Variants in JPH2 observed in about 807,000 individuals in gnomAD.
The protein encoded by JPH2 is junctophilin 2.
In JPH2, 38 loss-of-function variants were observed where a neutral mutation model predicts 55.9. That is an observed-to-expected ratio of 0.68 (90% CI 0.52 to 0.89). The LOEUF (loss-of-function observed/expected upper bound fraction) is 0.89, where lower values mean the gene tolerates loss of function less well. JPH2 is among the 40% of genes least tolerant of loss of function. JPH2 has a pLI of 0.00. For missense variants in JPH2, 964 were observed against 1,037.6 expected (o/e 0.93, Z 0.97); for synonymous variants, 480 against 472.4 (o/e 1.02, Z -0.21).
chr20:44,170,959 A>G (rs1447572439), intron 1 of JPH2, among the ~76,000 whole-genome samples: 2 of 152,164 alleles, frequency 1.3e-5, no homozygotes, highest in African/African-American at 4.8e-5. Context: ...TCCAAGCCAC[A>G]TCCTTTTCTC....
rs192393286 is a variant in JPH2, at chr20:44,109,875, G to T, written c.*3643C>A. Among the ~76,000 whole-genome samples the T allele has an allele frequency of 1.3e-5, 2 of 152,164 alleles. No individual in the cohort carries two copies. The highest frequency in any genetic ancestry group is 2.4e-5 in the African/African-American group (1 of 41,514). On this transcript the variant is annotated 3_prime_UTR_variant, in exon 6 of 6. Coordinates refer to ENST00000372980, the MANE Select transcript of JPH2 (RefSeq NM_020433.5). ...CCGAATCCCAAATCTGACTCCCACG[G>T]TTCCTAGGTCCCCTCCCTTTCACTG...
At chr20:44,139,339 G>A (rs542363007) in intron 2 of JPH2, among the ~76,000 whole-genome samples, 1 of 152,186 alleles carries the variant, frequency 6.6e-6, no homozygotes, top group East Asian at 1.9e-4. Context: ...CGAGTTGGGG[G>A]AATTTATTCT....
intron 1 of JPH2, 141 bp downstream of exon 1, chr20:44,186,186 G>C: frequency 2.2e-6 from 2 of 895,932 alleles, no homozygotes; most frequent in Non-Finnish European, 3.4e-6. Context: ...AGGTAGAGCA[G>C]CTTGCCCAAA....
Position 44,159,964 on chromosome 20 carries a change from C to T in JPH2, c.823G>A (p.Glu275Lys). 1 of 1,600,088 alleles carries T rather than the reference C, an allele frequency of 6.2e-7. No individual in the cohort carries two copies. The highest frequency in any genetic ancestry group is 8.5e-7 in the Non-Finnish European group (1 of 1,176,246). The change falls in exon 2 of 6, where the codon GAG (glutamate) becomes AAG (lysine). Residue 275 changes from glutamate to lysine, a missense_variant. Physicochemically the swap from Glu to Lys is moderately conservative, Grantham distance 56. Coordinates refer to ENST00000372980, the MANE Select transcript of JPH2 (RefSeq NM_020433.5). This position sits in a 1 kb window ranked among gnomAD's most constrained non-coding sequence, Gnocchi z 5.7. The part of the protein sequence containing the change: ...SLGEAAEGAD[E>K]AAPFEADIDA... ...ATATCGGCCTCGAAGGGTGCGGCCT[C>T]GTCGGCGCCCTCGGCGGCCTCTCCC... is the stretch of plus-strand genomic sequence containing the variant.
At chr20:44,132,149 T>C (rs912619986) in intron 2 of JPH2, among the ~76,000 whole-genome samples, 3 of 152,140 alleles carry the variant, frequency 2.0e-5, no homozygotes, top group East Asian at 1.9e-4. Flanking sequence ...AGGAATAAGA[T>C]TGATCTTTGT....
chr20:44,134,696 T>TGA (rs2072388273), intron 2 of JPH2, among the ~76,000 whole-genome samples: 1 of 49,420 alleles, frequency 2.0e-5, no homozygotes, highest in Non-Finnish European at 3.4e-5. Flanking sequence ...TATAAATATA[T>TGA]ATACATTAAT....
Position 44,116,814 on chromosome 20 carries a change from G to A in JPH2, c.1289-428C>T, listed in dbSNP as rs548229208. 1.2e-4 allele frequency among the ~76,000 whole-genome samples: 19 copies of A among 152,338 alleles called. No homozygotes were observed. In the South Asian group the frequency reaches 3.9e-3, roughly 32 times the overall value. On this transcript the variant is annotated intron_variant, in intron 3 of 5. Transcript: ENST00000372980. ...TGAGAAAATGCATGTCAAAGGCGGA[G>A]CTCAGGGCCCCGCACCGGCATAGAC... is the stretch of plus-strand genomic sequence containing the variant.
intron 2 of JPH2, among the ~76,000 whole-genome samples, chr20:44,144,964 C>T (rs1169638436): frequency 1.1e-5 from 1 of 92,612 alleles, no homozygotes; most frequent in Non-Finnish European, 2.5e-5. Flanking sequence ...TGATCCCCAC[C>T]TTAGAGATGA....
chr20:44,134,868 ATATAT>A (rs1569195704), intron 2 of JPH2, among the ~76,000 whole-genome samples: 20 of 21,770 alleles, frequency 9.2e-4, no homozygotes, highest in Non-Finnish European at 1.3e-3. Context: ...ATATATAAAT[ATATAT>A]ATTTATATAT....
chr20:44,114,169 G>T (rs184687169), intron 5 of JPH2, among the ~76,000 whole-genome samples: 1 of 152,096 alleles, frequency 6.6e-6, no homozygotes, highest in Non-Finnish European at 1.5e-5. Flanking sequence ...TCCACTTCAC[G>T]GGAACTTACC....
intron 2 of JPH2, among the ~76,000 whole-genome samples, chr20:44,140,832 T>C (rs1188206588): frequency 6.6e-6 from 1 of 152,198 alleles, no homozygotes; most frequent in African/African-American, 2.4e-5. Flanking sequence ...GTACAGTATT[T>C]ACACAGGTTA....
chr20:44,122,328 T>C (rs775298803), intron 2 of JPH2, among the ~76,000 whole-genome samples: 8 of 152,150 alleles, frequency 5.3e-5, no homozygotes, highest in Non-Finnish European at 1.2e-4. Flanking sequence ...TGGATTCCAA[T>C]TTGGGCTCTG....
At chr20:44,117,328 C>A (rs2072200593) in intron 3 of JPH2, among the ~76,000 whole-genome samples, 1 of 152,174 alleles carries the variant, frequency 6.6e-6, no homozygotes, top group Non-Finnish European at 1.5e-5. Context: ...CCATCTCTGT[C>A]CCTCAGGGGT....
intron 2 of JPH2, among the ~76,000 whole-genome samples, chr20:44,126,164 G>GGAAGGAAGGAAGGA (rs1569186945): frequency 2.0e-4 from 6 of 30,052 alleles, no homozygotes; most frequent in African/African-American, 5.7e-4. Context: ...GGGAGGGAGG[G>GGAAGGAAGGAAGGA]AGGGAGGAAG....
At chr20:44,151,860 A>G (rs2072533120) in intron 2 of JPH2, among the ~76,000 whole-genome samples, 1 of 152,168 alleles carries the variant, frequency 6.6e-6, no homozygotes. Flanking sequence ...CATCACGCAC[A>G]TTCCTACCTT....
chr20:44,184,272 GTTC>G (rs151002502), intron 1 of JPH2, among the ~76,000 whole-genome samples: 3,712 of 151,802 alleles, frequency 0.024, 169 homozygotes, highest in African/African-American at 0.084. Context: ...GTCAAAAAGT[GTTC>G]TTCTTCTTCT....
chr20:44,175,889 G>C (rs2072729797), intron 1 of JPH2, among the ~76,000 whole-genome samples: 1 of 152,156 alleles, frequency 6.6e-6, no homozygotes, highest in Non-Finnish European at 1.5e-5. Flanking sequence ...GGGTCTAAAA[G>C]GAGACCCACC....
chr20:44,125,203 A>C (rs1018089641), intron 2 of JPH2, among the ~76,000 whole-genome samples: 1 of 152,162 alleles, frequency 6.6e-6, no homozygotes, highest in Non-Finnish European at 1.5e-5. Context: ...AATTTTGTTG[A>C]AACACAACTA....
rs6130529 is a variant in JPH2, at chr20:44,107,758, A to G, written c.*5760T>C. ...AGATAGCCCCTCTCTTAAGGAACTC[A>G]GTCTAGTGGAGAAGCTGTGGATAGG... On this transcript the variant is annotated 3_prime_UTR_variant, in exon 6 of 6. Transcript: ENST00000372980. Among the ~76,000 whole-genome samples the G allele has an allele frequency of 8.8e-3, 1,335 of 152,334 alleles. 50 individuals are homozygous for G. The East Asian group carries it at 0.12, about 14-fold the overall frequency.
Sources: allele counts gnomAD v4.1 joint callset (sites outside exome capture counted in the v4.1 genomes callset), GRCh38; gene constraint gnomAD v4.1.1; non-coding constraint Gnocchi (gnomAD v3.1); transcripts MANE v1.5; gene names NCBI Gene and HGNC (gene_info 2026-07-23, HGNC 2026-07-21).